ZNF85: variants seen among roughly 807,000 people sequenced by gnomAD.
ZNF85 encodes the protein zinc finger protein 85 (HPF4, HTF1).
ZNF85 carries 50 observed loss-of-function variants against 53.9 expected under a neutral mutation model. That is an observed-to-expected ratio of 0.93 (90% confidence interval 0.74 to 1.17). The LOEUF is 1.17. ZNF85 is among the 50% of genes most tolerant of loss of function. ZNF85 has a pLI of 0.00. For missense variants in ZNF85, 747 were observed against 688.5 expected, an observed-to-expected ratio of 1.08 and a Z score of -0.95; for synonymous variants, 225 against 226.1, an observed-to-expected ratio of 1.00 and a Z score of 0.04.
Position 20,923,388 on chromosome 19 carries a change from T to C in ZNF85, c.-13T>C, listed in dbSNP as rs1972802086. The C allele has an allele frequency of 6.2e-7, 1 of 1,613,954 alleles. No homozygotes were observed. Among genetic ancestry groups the C allele is most frequent in the Admixed American group, 1.7e-5 (1 of 59,996 alleles). ...CCACAGCTAAGACGCCGGGACCCCCTGGAAGCCTAGAAATGGTGAGAGTGC... is the reference window on the plus strand; with the variant it reads ...CCACAGCTAAGACGCCGGGACCCCCCGGAAGCCTAGAAATGGTGAGAGTGC... On this transcript the variant is annotated 5_prime_UTR_variant, in exon 1 of 4. Coordinates refer to ENST00000328178, the MANE Select transcript of ZNF85 (RefSeq NM_003429.5).
chr19:20,931,292 G>A (rs1007703666), intron 1 of ZNF85, among the ~76,000 whole-genome samples: 21 of 152,172 alleles, frequency 1.4e-4, no homozygotes, highest in African/African-American at 4.6e-4. Flanking sequence ...TGATTTATAA[G>A]CTCATTAAAA....
intron 3 of ZNF85, among the ~76,000 whole-genome samples, chr19:20,941,573 T>A (rs1168579765): frequency 6.6e-6 from 1 of 152,214 alleles, no homozygotes; most frequent in East Asian, 1.9e-4. Flanking sequence ...ACATTTCCTT[T>A]CAAATGCTTT....
In ZNF85 at chr19:20,949,155, C is replaced by T. The variant is rs747488704; in HGVS notation, c.641C>T (p.Ser214Phe). Residue 214 changes from serine to phenylalanine, a missense_variant, in exon 4 of 4, where the codon TCC (serine) becomes TTC (phenylalanine). Physicochemically the swap from Ser to Phe is radical, Grantham distance 155. Coordinates refer to ENST00000328178, the MANE Select transcript of ZNF85 (RefSeq NM_003429.5). ...GAATGTGGAAAAGCCTTTAACTGGTCCTCAACCCTTACTAAACATAAGAGA... is the reference window on the plus strand; with the variant it reads ...GAATGTGGAAAAGCCTTTAACTGGTTCTCAACCCTTACTAAACATAAGAGA... ...CEECGKAFNW[S>F]STLTKHKRIH... 3.1e-6 allele frequency: 5 copies of T among 1,613,330 alleles called. No individual in the cohort carries two copies. The highest frequency in any genetic ancestry group is 4.2e-6 in the Non-Finnish European group (5 of 1,179,728).
At position 20,949,665 on chromosome 19, in the gene ZNF85, A is replaced by G. The variant is rs373180303; in HGVS notation, c.1151A>G (p.His384Arg). Reference protein sequence around the residue: ...KCGKAFNHFSHLTTHKIIHTG... With the variant: ...KCGKAFNHFSRLTTHKIIHTG... Reference sequence around the variant, plus strand: ...GGAAAAGCCTTTAATCATTTCTCACACCTTACTACACATAAGATAATTCAT... The same window carrying G: ...GGAAAAGCCTTTAATCATTTCTCACGCCTTACTACACATAAGATAATTCAT... Residue 384 changes from histidine to arginine, a missense_variant, in exon 4 of 4, where the codon CAC becomes CGC. Transcript: ENST00000328178. 3.3e-5 allele frequency: 54 copies of G among 1,612,892 alleles called. No homozygotes were observed. Among genetic ancestry groups the G allele is most frequent in the Non-Finnish European group, 4.1e-5 (48 of 1,179,542 alleles).
chr19:20,949,597 G>C lies in ZNF85; in HGVS notation c.1083G>C (p.Glu361Asp). ...FNQSAHLTTHEVIHTGEKPYK... is the reference protein window; with the variant it reads ...FNQSAHLTTHDVIHTGEKPYK... The stretch of plus-strand genomic sequence containing the variant: ...AGTCTGCACACCTTACCACACATGA[G>C]GTAATTCATACTGGAGAGAAACCCT... Residue 361 changes from glutamate (E) to aspartate (D), a missense_variant, in exon 4 of 4, where the codon GAG becomes GAC. By Grantham distance (45) the Glu-to-Asp change is conservative. Transcript: ENST00000328178. The C allele has an allele frequency of 6.3e-7, 1 of 1,597,298 alleles. No individual in the cohort carries two copies. The highest frequency in any genetic ancestry group is 8.6e-7 in the Non-Finnish European group (1 of 1,168,634).
At chr19:20,944,362 C>T (rs1239963121) in intron 3 of ZNF85, 1 of 151,652 alleles carries the variant, frequency 6.6e-6, no homozygotes, top group African/African-American at 2.4e-5. Flanking sequence ...GCCTGGCAAC[C>T]ATGTAGCAGT....
chr19:20,931,620 CTTTT>C (rs1156835317), intron 1 of ZNF85, among the ~76,000 whole-genome samples: 7 of 119,442 alleles, frequency 5.9e-5, no homozygotes, highest in South Asian at 2.8e-4. Context: ...TTTTCTTTTT[CTTTT>C]TTTTTTTTTT....
At chr19:20,935,188 CT>C in intron 3 of ZNF85, 141 bp downstream of exon 3, 1 of 540,696 alleles carries the variant, frequency 1.8e-6, no homozygotes, top group Non-Finnish European at 3.3e-6. Flanking sequence ...TTCTTTCTTT[CT>C]TTTTTGCTCT....
At chr19:20,945,149 CAT>C (rs1973389973) in intron 3 of ZNF85, among the ~76,000 whole-genome samples, 2 of 152,032 alleles carry the variant, frequency 1.3e-5, no homozygotes, top group South Asian at 2.1e-4. Context: ...TTATCAAAAA[CAT>C]AAAATTTATA....
intron 1 of ZNF85, among the ~76,000 whole-genome samples, chr19:20,923,936 T>G (rs931184271): frequency 6.6e-6 from 1 of 151,808 alleles, no homozygotes; most frequent in African/African-American, 2.4e-5. Context: ...AATACAAAAA[T>G]TAGCCGGGCG....
chr19:20,937,239 C>T (rs929071765), intron 3 of ZNF85: 6 of 438,660 alleles, frequency 1.4e-5, no homozygotes, highest in Admixed American at 5.0e-5. Context: ...ACCATATTGG[C>T]CAGGCGAGTC....
intron 1 of ZNF85, 89 bp downstream of exon 1, chr19:20,923,492 T>G (rs368547851): frequency 3.5e-5 from 56 of 1,598,316 alleles, no homozygotes; most frequent in Admixed American, 3.0e-4. Context: ...GGCCTCCCTG[T>G]AGTCAGCTCC....
chr19:20,947,014 TTC>T (rs138342907), intron 3 of ZNF85, among the ~76,000 whole-genome samples: 1 of 151,768 alleles, frequency 6.6e-6, no homozygotes, highest in African/African-American at 2.4e-5. Context: ...GTTCCCAATT[TTC>T]TCTCTCTCTT....
chr19:20,945,224 A>G (rs56216536), intron 3 of ZNF85, among the ~76,000 whole-genome samples: 17,111 of 152,198 alleles, frequency 0.11, 1,008 homozygotes, highest in Non-Finnish European at 0.13. Context: ...TTTGCAACAT[A>G]TCACCAAAAT....
intron 3 of ZNF85, chr19:20,936,929 A>G (rs55965424): frequency 0.12 from 18,466 of 153,442 alleles, 1,288 homozygotes; most frequent in Middle Eastern, 0.17. Context: ...TCTATTTCAC[A>G]TTTTACGATG....
intron 1 of ZNF85, among the ~76,000 whole-genome samples, chr19:20,923,696 G>A (rs1051035462): frequency 6.7e-6 from 1 of 149,742 alleles, no homozygotes; most frequent in African/African-American, 2.4e-5. Flanking sequence ...GGGACCACGG[G>A]AGGGTTGTCA....
At chr19:20,942,747 AT>A in intron 3 of ZNF85, 1 of 684,894 alleles carries the variant, frequency 1.5e-6, no homozygotes, top group East Asian at 2.8e-5. Context: ...ACAGTGTATA[AT>A]TTTTGTCTGC....
intron 3 of ZNF85, among the ~76,000 whole-genome samples, chr19:20,935,830 G>A (rs181210770): frequency 2.6e-4 from 40 of 152,156 alleles, no homozygotes; most frequent in East Asian, 5.8e-4. Context: ...GATTACAGGC[G>A]TGAGCCACCA....
At chr19:20,930,239 G>A (rs1487436954) in intron 1 of ZNF85, among the ~76,000 whole-genome samples, 1 of 149,742 alleles carries the variant, frequency 6.7e-6, no homozygotes, top group Non-Finnish European at 1.5e-5. Flanking sequence ...TAAAAATAAA[G>A]TATGTATTTT....
Sources: allele counts gnomAD v4.1 joint callset (sites outside exome capture counted in the v4.1 genomes callset), GRCh38; gene constraint gnomAD v4.1.1; transcripts MANE v1.5; gene names NCBI Gene and HGNC (gene_info 2026-07-23, HGNC 2026-07-21).